Variants in MSRA observed in about 807,000 individuals in gnomAD.
MSRA encodes the protein methionine sulfoxide reductase A, also known as mitochondrial peptide methionine sulfoxide reductase.
A neutral mutation model predicts 31.3 loss-of-function variants in MSRA; 54 were observed. The ratio of observed to expected loss-of-function variants is 1.73; its 90% confidence interval spans 1.39 to 2.17. The LOEUF (loss-of-function observed/expected upper bound fraction) is 2.17, where lower values mean the gene tolerates loss of function less well. Among genes scored for constraint, MSRA ranks in the 30% most tolerant of loss-of-function variants. MSRA has a pLI of 0.00. For synonymous variants in MSRA, 169 were observed against 116.5 expected (o/e 1.45, Z -2.90); for missense variants, 507 against 300.9 (o/e 1.69, Z -5.07).
intron 1 of MSRA, among the ~76,000 whole-genome samples, chr8:10,058,225 T>A (rs1220687126): frequency 6.6e-6 from 1 of 152,106 alleles, no homozygotes; most frequent in Non-Finnish European, 1.5e-5. Flanking sequence ...AGTAGAACAA[T>A]GTATTAATCC....
At chr8:10,294,838 C>T (rs570943000) in intron 3 of MSRA, among the ~76,000 whole-genome samples, 68 of 152,156 alleles carry the variant, frequency 4.5e-4, no homozygotes, top group Admixed American at 4.4e-3. Flanking sequence ...GTCCAGGAAC[C>T]CTGAGCACCG....
At chr8:10,111,079 C>G (rs184173229) in intron 1 of MSRA, among the ~76,000 whole-genome samples, 7 of 152,284 alleles carry the variant, frequency 4.6e-5, no homozygotes, top group East Asian at 1.9e-4. Context: ...CTTGATTTGA[C>G]CAAGTGTAGC....
chr8:10,108,256 C>G (rs556971099), intron 1 of MSRA, among the ~76,000 whole-genome samples: 1 of 152,198 alleles, frequency 6.6e-6, no homozygotes, highest in Admixed American at 6.5e-5. Flanking sequence ...CCCATTGGTT[C>G]CATTTTCACT....
intron 5 of MSRA, among the ~76,000 whole-genome samples, chr8:10,361,290 ATAT>A (rs1563393779): frequency 6.6e-6 from 1 of 152,226 alleles, no homozygotes; most frequent in Non-Finnish European, 1.5e-5. Context: ...GTTATGAGTC[ATAT>A]TAATAATGCC....
intron 1 of MSRA, among the ~76,000 whole-genome samples, chr8:10,168,603 A>C (rs146818955): frequency 2.6e-5 from 4 of 152,346 alleles, no homozygotes; most frequent in South Asian, 2.1e-4. Context: ...GTTGTAGTCT[A>C]TTTTACAGAT....
At chr8:10,206,254 G>A (rs376340069) in intron 1 of MSRA, among the ~76,000 whole-genome samples, 1 of 152,188 alleles carries the variant, frequency 6.6e-6, no homozygotes, top group South Asian at 2.1e-4. Flanking sequence ...AACCAGATCA[G>A]TGAATGCTTG....
At chr8:10,288,253 A>G (rs113645256) in intron 3 of MSRA, among the ~76,000 whole-genome samples, 3,775 of 152,266 alleles carry the variant, frequency 0.025, 72 homozygotes, top group Non-Finnish European at 0.04. Flanking sequence ...CTTCCATTAA[A>G]TTTAATACCA....
chr8:10,198,009 C>G (rs1585146860), intron 1 of MSRA, among the ~76,000 whole-genome samples: 1 of 152,124 alleles, frequency 6.6e-6, no homozygotes, highest in East Asian at 1.9e-4. Context: ...CTTTCCTGCT[C>G]AAAGAAAACA....
chr8:10,265,132 C>G (rs998910938), intron 3 of MSRA, among the ~76,000 whole-genome samples: 1 of 152,144 alleles, frequency 6.6e-6, no homozygotes, highest in Non-Finnish European at 1.5e-5. Flanking sequence ...GGTGTTTTAC[C>G]AAATTATGTC....
At chr8:10,339,538 T>TC (rs1803279517) in intron 5 of MSRA, among the ~76,000 whole-genome samples, 1 of 49,206 alleles carries the variant, frequency 2.0e-5, no homozygotes, top group Non-Finnish European at 4.6e-5. Context: ...TTTCTTTTTT[T>TC]TTTTTTTTTT....
chr8:10,382,692 G>T (rs9329221), intron 5 of MSRA, among the ~76,000 whole-genome samples: 66,346 of 152,032 alleles, frequency 0.44, 14,811 homozygotes, highest in East Asian at 0.51. Context: ...AGTTAGCAGA[G>T]GACAAAGGAC....
intron 1 of MSRA, among the ~76,000 whole-genome samples, chr8:10,078,579 G>A (rs914820623): frequency 2.6e-5 from 4 of 152,232 alleles, no homozygotes; most frequent in Non-Finnish European, 4.4e-5. Context: ...GATGGGAGCT[G>A]TAAACTGTGA....
chr8:10,068,493 G>A (rs1172114285), intron 1 of MSRA, among the ~76,000 whole-genome samples: 2 of 152,196 alleles, frequency 1.3e-5, no homozygotes, highest in African/African-American at 2.4e-5. Context: ...TGTGAAGGTT[G>A]TAAGGTCTGT....
chr8:10,260,792 C>A (rs35886862), intron 3 of MSRA, among the ~76,000 whole-genome samples: 4 of 151,952 alleles, frequency 2.6e-5, no homozygotes, highest in Admixed American at 1.3e-4. Context: ...AGAGGACTTA[C>A]CTTTAATTCA....
At chr8:10,384,152 G>T (rs567780636) in intron 5 of MSRA, among the ~76,000 whole-genome samples, 1 of 152,180 alleles carries the variant, frequency 6.6e-6, no homozygotes, top group African/African-American at 2.4e-5. Flanking sequence ...GACGGGTGAC[G>T]TATAGGGCTT....
chr8:10,413,445 A>G (rs567200161), intron 5 of MSRA, among the ~76,000 whole-genome samples: 55 of 152,334 alleles, frequency 3.6e-4, no homozygotes, highest in Admixed American at 2.4e-3. Context: ...GGGGCAGGAC[A>G]TCTGATTTCC....
intron 2 of MSRA, among the ~76,000 whole-genome samples, chr8:10,236,168 A>G (rs1811917334): frequency 1.3e-5 from 2 of 152,222 alleles, no homozygotes; most frequent in South Asian, 4.1e-4. Flanking sequence ...AGTAAATCTC[A>G]TATTTATTGG....
At chr8:10,292,071 G>C (rs147307388) in intron 3 of MSRA, among the ~76,000 whole-genome samples, 1 of 152,152 alleles carries the variant, frequency 6.6e-6, no homozygotes, top group East Asian at 1.9e-4. Flanking sequence ...TATTCTAGTC[G>C]CATTAGCTGT....
intron 1 of MSRA, among the ~76,000 whole-genome samples, chr8:10,071,071 A>G (rs1181534915): frequency 6.6e-6 from 1 of 152,190 alleles, no homozygotes; most frequent in Non-Finnish European, 1.5e-5. Context: ...GTTTCATAAG[A>G]AACTGCCAAA....
Sources: allele counts gnomAD v4.1 joint callset (sites outside exome capture counted in the v4.1 genomes callset), GRCh38; gene constraint gnomAD v4.1.1; transcripts MANE v1.5; gene names NCBI Gene and HGNC (gene_info 2026-07-23, HGNC 2026-07-21).